Variants in DAB1 observed in about 807,000 individuals in gnomAD.
DAB1 encodes the protein disabled homolog 1.
DAB1 carries 15 observed loss-of-function variants against 64.6 expected under a neutral mutation model. The observed-to-expected ratio is 0.23, with a 90% confidence interval of 0.16 to 0.36. The LOEUF (loss-of-function observed/expected upper bound fraction) is 0.36, where lower values mean the gene tolerates loss of function less well. Ranked by LOEUF, DAB1 falls within the 10% of genes least tolerant of loss-of-function variation. The probability of loss-of-function intolerance (pLI) is 1.00; values close to 1 mark genes in which losing one functional copy is unlikely to be tolerated. For synonymous variants in DAB1, 235 were observed against 251.9 expected (o/e 0.93, Z 0.64); for missense variants, 596 against 706.7 (o/e 0.84, Z 1.78).
intron 2 of DAB1, among the ~76,000 whole-genome samples, chr1:57,226,311 C>T (rs762331882): frequency 6.6e-6 from 1 of 152,194 alleles, no homozygotes; most frequent in African/African-American, 2.4e-5. Context: ...ATCTGTCAAA[C>T]TTAATGCCCA....
In DAB1 at chr1:58,506,002, C is replaced by A. The variant is rs1034184616; in HGVS notation, n.257+58G>T. On this transcript the variant is annotated intron_variant and non_coding_transcript_variant, in intron 3 of 20. Transcript: ENST00000485760. ...TTTTACTAAGCAAAAGAAGTGACAG[C>A]ATTAAAAATAAATGATACAGTAAAA... The A allele has an allele frequency of 3.4e-5, 27 of 782,644 alleles. No homozygotes were observed. In the South Asian group the frequency reaches 4.4e-4, roughly 13 times the overall value. 48.5% of individuals were successfully genotyped at this position (782,644 alleles called of 1,614,324 possible).
At chr1:58,097,031 C>T (rs539735202) in intron 5 of DAB1, among the ~76,000 whole-genome samples, 1 of 152,372 alleles carries the variant, frequency 6.6e-6, no homozygotes, top group Admixed American at 6.5e-5. Context: ...CTTTTCTGAG[C>T]TCTGTCCAGC....
chr1:58,147,596 G>C (rs141695135), intron 5 of DAB1, among the ~76,000 whole-genome samples: 1,633 of 150,852 alleles, frequency 0.011, 32 homozygotes, highest in African/African-American at 0.038. Context: ...CTGGGCAACA[G>C]AGCAAGACTC....
intron 4 of DAB1, among the ~76,000 whole-genome samples, chr1:58,210,780 A>C (rs1166039553): frequency 1.3e-5 from 2 of 152,116 alleles, no homozygotes; most frequent in Non-Finnish European, 2.9e-5. Context: ...CCTGTAAGAG[A>C]GCTCACATGA....
intron 3 of DAB1, among the ~76,000 whole-genome samples, chr1:58,394,775 G>A (rs1055726676): frequency 2.6e-5 from 4 of 152,176 alleles, no homozygotes; most frequent in African/African-American, 4.8e-5. Context: ...GAGTATGGAT[G>A]TTATTATACT....
At chr1:57,254,511 G>T (rs930423918) in intron 2 of DAB1, among the ~76,000 whole-genome samples, 1 of 152,094 alleles carries the variant, frequency 6.6e-6, no homozygotes, top group African/African-American at 2.4e-5. Context: ...AAACAACAGG[G>T]CTTCTTGTTT....
intron 2 of DAB1, among the ~76,000 whole-genome samples, chr1:57,282,187 A>G (rs1327889781): frequency 1.1e-5 from 1 of 90,444 alleles, no homozygotes; most frequent in African/African-American, 4.1e-5. Flanking sequence ...CTTCTCAAAA[A>G]AAAAAAAAAA....
chr1:57,934,898 T>C (rs534229594), intron 5 of DAB1, among the ~76,000 whole-genome samples: 1 of 152,340 alleles, frequency 6.6e-6, no homozygotes, highest in Admixed American at 6.5e-5. Flanking sequence ...TGGCTCAGCA[T>C]TCTGCCAAAG....
chr1:57,831,000 G>C (rs561528208), intron 1 of DAB1, among the ~76,000 whole-genome samples: 1 of 151,936 alleles, frequency 6.6e-6, no homozygotes, highest in Non-Finnish European at 1.5e-5. Context: ...TGCAAGCTCC[G>C]CCTCCTGGGT....
rs373092985 is a variant in DAB1, at chr1:58,425,783, T to C, written n.257+80277A>G. The stretch of plus-strand genomic sequence containing the variant: ...CTTCTCAAAGGCCTGGTCAACACAG[T>C]CAAACATGGCAGAGTTCAACACTGA... On this transcript the variant is annotated intron_variant and non_coding_transcript_variant, in intron 3 of 20. Transcript: ENST00000485760. 7.5e-4 allele frequency among the ~76,000 whole-genome samples: 114 copies of C among 152,044 alleles called. 1 individual carries two copies. The highest frequency in any genetic ancestry group is 2.7e-3 in the African/African-American group (111 of 41,482).
intron 2 of DAB1, among the ~76,000 whole-genome samples, chr1:57,216,463 C>T (rs1666436177): frequency 6.6e-6 from 1 of 152,104 alleles, no homozygotes; most frequent in African/African-American, 2.4e-5. Flanking sequence ...CCCTGGATAT[C>T]CAAGATGATG....
intron 4 of DAB1, among the ~76,000 whole-genome samples, chr1:58,193,992 G>T (rs1357101467): frequency 3.3e-5 from 5 of 152,152 alleles, no homozygotes; most frequent in Non-Finnish European, 7.4e-5. Context: ...TACAATAAAT[G>T]AACAAAGGGA....
chr1:57,035,379 C>T (rs1647106967), intron 9 of DAB1, among the ~76,000 whole-genome samples: 1 of 152,102 alleles, frequency 6.6e-6, no homozygotes, highest in African/African-American at 2.4e-5. Context: ...GTGGAAGAGG[C>T]TCATAAAACC....
chr1:58,254,084 C>A (rs1415698672), intron 4 of DAB1, among the ~76,000 whole-genome samples: 2 of 152,118 alleles, frequency 1.3e-5, no homozygotes, highest in African/African-American at 4.8e-5. Context: ...GGAGGCAGGA[C>A]CACCCTGCAC....
intron 5 of DAB1, among the ~76,000 whole-genome samples, chr1:58,102,862 T>G (rs185215897): frequency 2.6e-5 from 4 of 152,288 alleles, no homozygotes; most frequent in Admixed American, 2.6e-4. Context: ...AATTTTACAG[T>G]AACCTCAGGA....
intron 4 of DAB1, among the ~76,000 whole-genome samples, chr1:57,098,538 C>T (rs1342893011): frequency 4.6e-5 from 7 of 152,214 alleles, no homozygotes; most frequent in African/African-American, 1.4e-4. Context: ...TCCCTTTGAC[C>T]TCTAACACTC....
rs118065033 is a variant in DAB1 at position 58,467,157 on chromosome 1, C to T, written n.257+38903G>A. Among the ~76,000 whole-genome samples, 153 of 152,306 alleles carry T rather than the reference C, an allele frequency of 1.0e-3. No homozygotes were observed. In the East Asian group the frequency reaches 0.027, roughly 27 times the overall value. ...CCTTAGTTTCCTTATCTGTGAAAAG[C>T]AGTGATAATGCCGAACTCCCCAAGT... On this transcript the variant is annotated intron_variant and non_coding_transcript_variant, in intron 3 of 20. Transcript: ENST00000485760.
intron 7 of DAB1, among the ~76,000 whole-genome samples, chr1:57,499,561 G>A (rs993254956): frequency 2.0e-5 from 3 of 152,152 alleles, no homozygotes; most frequent in African/African-American, 7.2e-5. Context: ...TAAACACCAT[G>A]GAAAAGATTG....
intron 4 of DAB1, among the ~76,000 whole-genome samples, chr1:57,082,543 T>C (rs12043593): frequency 0.22 from 34,164 of 152,168 alleles, 4,592 homozygotes; most frequent in East Asian, 0.49. Flanking sequence ...CTTAATTTAA[T>C]TTTAAGTTCC....
Sources: allele counts gnomAD v4.1 joint callset (sites outside exome capture counted in the v4.1 genomes callset), GRCh38; gene constraint gnomAD v4.1.1; transcripts MANE v1.5; gene names NCBI Gene and HGNC (gene_info 2026-07-23, HGNC 2026-07-21).